The following ITPRID2 variants were observed in gnomAD, a reference collection of about 807,000 sequenced individuals.
ITPRID2 encodes ITPR interacting domain containing 2.
A neutral mutation model predicts 124.3 loss-of-function variants in ITPRID2; 60 were observed. That is an observed-to-expected ratio of 0.48 (90% CI 0.39 to 0.60). The LOEUF is 0.60. Ranked by LOEUF, ITPRID2 falls within the 20% of genes least tolerant of loss-of-function variation. ITPRID2 has a pLI of 0.00. For missense variants in ITPRID2, 1,553 were observed against 1,512.2 expected (o/e 1.03, Z -0.45); for synonymous variants, 521 against 542.9 (o/e 0.96, Z 0.56).
rs149728334 is a variant in ITPRID2, at chr2:181,903,322, A to G, written c.1413+856A>G. Among the ~76,000 whole-genome samples, 801 of 152,310 alleles carry G rather than the reference A, an allele frequency of 5.3e-3. 3 individuals are homozygous for G. The highest frequency in any genetic ancestry group is 0.014 in the Middle Eastern group (4 of 294). On this transcript the variant is annotated intron_variant, in intron 8 of 17. Coordinates refer to ENST00000431877, the MANE Select transcript of ITPRID2 (RefSeq NM_001130445.3). The stretch of plus-strand genomic sequence containing the variant: ...TACATGAGGAAACTGAGGCATATGT[A>G]TGCTAATGAAGAGTTGTGGCTATAA...
Position 181,916,352 on chromosome 2 carries a change from T to C in ITPRID2, c.2712T>C (p.Asn904=). ...ATYPYRVCSV[N]PPSAIEMQLR... Reference sequence around the variant, plus strand: ...ACCCTTACCGAGTGTGCTCTGTGAATCCTCCTTCAGCCATAGAAATGCAGT... The same window carrying C: ...ACCCTTACCGAGTGTGCTCTGTGAACCCTCCTTCAGCCATAGAAATGCAGT... The change falls in exon 11 of 18, where the codon AAT becomes AAC. Residue 904 remains asparagine, a synonymous_variant. Transcript: ENST00000431877. 1 of 1,614,208 alleles carries C rather than the reference T, an allele frequency of 6.2e-7. No individual in the cohort carries two copies. Among genetic ancestry groups the C allele is most frequent in the Non-Finnish European group, 8.5e-7 (1 of 1,180,040 alleles).
chr2:181,920,473 G>A (rs565175813), intron 14 of ITPRID2, 124 bp from the exon 15 acceptor site: 2 of 618,234 alleles, frequency 3.2e-6, no homozygotes, highest in Non-Finnish European at 5.1e-6. Flanking sequence ...GCACTAATTA[G>A]CCAATTAATT....
intron 4 of ITPRID2, 88 bp from the exon 5 acceptor site, chr2:181,898,792 G>T (rs1434107405): frequency 1.7e-5 from 16 of 914,612 alleles, no homozygotes; most frequent in Non-Finnish European, 2.7e-5. Flanking sequence ...TTCTAATATT[G>T]TAGGTAATTA....
At position 181,910,693 on chromosome 2, in the gene ITPRID2, G is replaced by A. The variant is rs1297004125; in HGVS notation, c.1486+722G>A. On this transcript the variant is annotated intron_variant, in intron 9 of 17. Coordinates refer to ENST00000431877, the MANE Select transcript of ITPRID2 (RefSeq NM_001130445.3). The surrounding 1 kb of genome is among the most constrained non-coding windows in gnomAD (Gnocchi z 4.1). ...CCACCCTGTTTTTTTTTTAAACAAAGATTCGTATGTATGTTCCTAGAATAG... is the reference window on the plus strand; with the variant it reads ...CCACCCTGTTTTTTTTTTAAACAAAAATTCGTATGTATGTTCCTAGAATAG... 7.7e-6 allele frequency: 5 copies of A among 647,882 alleles called. No homozygotes were observed. Among genetic ancestry groups the A allele is most frequent in the Non-Finnish European group, 1.1e-5 (4 of 357,264 alleles). 40.1% of individuals were successfully genotyped at this position (647,882 alleles called of 1,614,324 possible). A position where few individuals can be genotyped will look rare whatever the true frequency, so the allele number is the denominator to read the frequency against.
Position 181,896,097 on chromosome 2 carries a change from T to G in ITPRID2, c.307+18T>G, listed in dbSNP as rs1692175971. Reference sequence around the variant, plus strand: ...ACTCAAGGGTAAGAGAAGGTTGCCTTTCTAAATCTGTTCTTTATGACAGTT... The same window carrying G: ...ACTCAAGGGTAAGAGAAGGTTGCCTGTCTAAATCTGTTCTTTATGACAGTT... On this transcript the variant is annotated intron_variant, in intron 3 of 17. Coordinates refer to ENST00000431877, the MANE Select transcript of ITPRID2 (RefSeq NM_001130445.3). The surrounding 1 kb of genome is among the most constrained non-coding windows in gnomAD (Gnocchi z 4.3). 1.2e-6 allele frequency: 2 copies of G among 1,609,586 alleles called. No individual in the cohort carries two copies. The highest frequency in any genetic ancestry group is 1.7e-4 in the Middle Eastern group (1 of 6,050).
chr2:181,905,163 C>T lies in ITPRID2; in HGVS notation c.1413+2697C>T, dbSNP rs866686704. Among the ~76,000 whole-genome samples the T allele has an allele frequency of 6.6e-6, 1 of 151,278 alleles. No homozygotes were observed. The highest frequency in any genetic ancestry group is 1.5e-5 in the Non-Finnish European group (1 of 67,918). On this transcript the variant is annotated intron_variant, in intron 8 of 17. Coordinates refer to ENST00000431877, the MANE Select transcript of ITPRID2 (RefSeq NM_001130445.3). The surrounding 1 kb of genome is among the most constrained non-coding windows in gnomAD (Gnocchi z 4.1). ...CTCCTGGGTTCATGTAATTCTCCTG[C>T]CTCAGCTTCCTGAGTAGCTGGGATT... is the stretch of plus-strand genomic sequence containing the variant.
intron 16 of ITPRID2, among the ~76,000 whole-genome samples, chr2:181,922,793 G>T (rs1694574530): frequency 1.3e-5 from 2 of 152,100 alleles, no homozygotes; most frequent in South Asian, 4.1e-4. Flanking sequence ...GTGGTGGCAT[G>T]TGCCTGTAGT....
chr2:181,915,798 T>G lies in ITPRID2; in HGVS notation c.2158T>G (p.Leu720Val), dbSNP rs776930744. The G allele has an allele frequency of 5.0e-6, 8 of 1,614,178 alleles. No homozygotes were observed. In the South Asian group the frequency reaches 6.6e-5, roughly 13 times the overall value. The part of the protein sequence containing the change: ...MGRSLLKSKD[L>V]LKQRYLFAKA... ...GCGTAGCCTGCTAAAATCAAAAGATTTGTTAAAACAAAGGTACTTATTTGC... is the reference window on the plus strand; with the variant it reads ...GCGTAGCCTGCTAAAATCAAAAGATGTGTTAAAACAAAGGTACTTATTTGC... The change falls in exon 11 of 18, where the codon TTG (leucine) becomes GTG (valine). Residue 720 changes from leucine to valine, a missense_variant. Physicochemically the swap from Leu to Val is conservative, Grantham distance 32. Coordinates refer to ENST00000431877, the MANE Select transcript of ITPRID2 (RefSeq NM_001130445.3).
chr2:181,922,114 G>A lies in ITPRID2; in HGVS notation c.3377G>A (p.Arg1126Lys). Residue 1126 changes from arginine (R) to lysine (K), a missense_variant, in exon 16 of 18, where the codon AGA becomes AAA. Physicochemically the swap from Arg to Lys is conservative, Grantham distance 26. Coordinates refer to ENST00000431877, the MANE Select transcript of ITPRID2 (RefSeq NM_001130445.3). ...VCSGPSHANR[R>K]TGVPSTASVG... ...TCTGGTCCCTCTCATGCTAACAGAA[G>A]AACTGGAGTACCTTCTACTGCCTCA... The A allele has an allele frequency of 6.2e-7, 1 of 1,614,230 alleles. No individual in the cohort carries two copies. Among genetic ancestry groups the A allele is most frequent in the South Asian group, 1.1e-5 (1 of 91,090 alleles).
intron 10 of ITPRID2, among the ~76,000 whole-genome samples, chr2:181,914,736 G>GT (rs1693892297): frequency 6.6e-6 from 1 of 152,158 alleles, no homozygotes; most frequent in Non-Finnish European, 1.5e-5. Flanking sequence ...GGAAATAACC[G>GT]TAAGAGAAGA....
chr2:181,916,193 T>C lies in ITPRID2; in HGVS notation c.2553T>C (p.Ser851=). Residue 851 remains serine, a synonymous_variant, in exon 11 of 18, where the codon TCT becomes TCC. Transcript: ENST00000431877. ...QSTCSLHSIH[S]EWQERPLCEH... is the part of the protein sequence containing the mutation. The stretch of plus-strand genomic sequence containing the variant: ...CCTGTTCCCTTCATTCCATCCACTC[T>C]GAGTGGCAAGAAAGGCCCCTGTGTG... 1.9e-6 allele frequency: 3 copies of C among 1,614,230 alleles called. No homozygotes were observed. Among genetic ancestry groups the C allele is most frequent in the South Asian group, 1.1e-5 (1 of 91,082 alleles).
At position 181,919,190 on chromosome 2, in the gene ITPRID2, G is replaced by A; in HGVS notation, c.2994-106G>A. ...GATATTGTACTAATTTCTAGAACCT[G>A]AGATTTCCATGCCTTCTGTTAGCAT... On this transcript the variant is annotated intron_variant, in intron 13 of 17. Transcript: ENST00000431877. The surrounding 1 kb of genome is among the most constrained non-coding windows in gnomAD (Gnocchi z 4.2). The A allele has an allele frequency of 7.6e-7, 1 of 1,320,232 alleles. No homozygotes were observed. Among genetic ancestry groups the A allele is most frequent in the Middle Eastern group, 1.9e-4 (1 of 5,382 alleles). 81.8% of individuals were successfully genotyped at this position (1,320,232 alleles called of 1,614,324 possible). A position where few individuals can be genotyped will look rare whatever the true frequency, so the allele number is the denominator to read the frequency against.
At chr2:181,922,480 T>G in intron 16 of ITPRID2, 68 bp downstream of exon 16, 1 of 1,334,228 alleles carries the variant, frequency 7.5e-7, no homozygotes. Flanking sequence ...GTCTGAATAT[T>G]AATTATTTAC....
chr2:181,910,689 CAA>C lies in ITPRID2; in HGVS notation c.1486+720_1486+721del. On this transcript the variant is annotated intron_variant, in intron 9 of 17. Transcript: ENST00000431877. The surrounding 1 kb of genome is among the most constrained non-coding windows in gnomAD (Gnocchi z 4.1). The stretch of plus-strand genomic sequence containing the variant: ...TGAACCACCCTGTTTTTTTTTTAAA[CAA>C]AGATTCGTATGTATGTTCCTAGAAT... 1 of 642,694 alleles carries C rather than the reference CAA, an allele frequency of 1.6e-6. No homozygotes were observed. Among genetic ancestry groups the C allele is most frequent in the Non-Finnish European group, 2.8e-6 (1 of 354,836 alleles). The allele number at this position is 642,694 out of a possible 1,614,324, so 39.8% of individuals were successfully genotyped here.
chr2:181,914,022 G>A, intron 10 of ITPRID2, 89 bp downstream of exon 10: 1 of 777,124 alleles, frequency 1.3e-6, no homozygotes, highest in South Asian at 1.9e-5. Flanking sequence ...TATTGAGTCT[G>A]TATAATCTTT....
rs150714582 is a variant in ITPRID2 at position 181,914,055 on chromosome 2, ACTC to A, written c.1575+125_1575+127del. On this transcript the variant is annotated intron_variant, in intron 10 of 17. Coordinates refer to ENST00000431877, the MANE Select transcript of ITPRID2 (RefSeq NM_001130445.3). ...TTTATTTTTCAAGTGACAGAACAAA[ACTC>A]CTGGCATGTAGATGTTATCTAAGCA... 4.5e-4 allele frequency: 279 copies of A among 615,152 alleles called. 1 individual carries two copies. The highest frequency in any genetic ancestry group is 5.5e-4 in the Non-Finnish European group (199 of 364,748). The allele number at this position is 615,152 out of a possible 1,614,324, so 38.1% of individuals were successfully genotyped here. A position where few individuals can be genotyped will look rare whatever the true frequency, so the allele number is the denominator to read the frequency against.
chr2:181,920,560 A>G, intron 14 of ITPRID2, 37 bp from the exon 15 acceptor site: 1 of 1,450,328 alleles, frequency 6.9e-7, no homozygotes, highest in Middle Eastern at 1.8e-4. Flanking sequence ...ATATATACAC[A>G]CACATATACA....
At chr2:181,894,890 G>A (rs1692061660) in intron 2 of ITPRID2, among the ~76,000 whole-genome samples, 1 of 152,126 alleles carries the variant, frequency 6.6e-6, no homozygotes, top group African/African-American at 2.4e-5. Context: ...GACCAGTAGA[G>A]ACATCTGTGG....
rs1258871493 is a variant in ITPRID2 at position 181,916,447 on chromosome 2, A to T, written c.2787+20A>T. On this transcript the variant is annotated intron_variant, in intron 11 of 17. Transcript: ENST00000431877. ...TCACAGGTATGAGAAAAAGTATGTTATCATTAGCTTTTTTCTTTTACTGCT... is the reference window on the plus strand; with the variant it reads ...TCACAGGTATGAGAAAAAGTATGTTTTCATTAGCTTTTTTCTTTTACTGCT... 6.3e-7 allele frequency: 1 copy of T among 1,599,234 alleles called. No individual in the cohort carries two copies. The highest frequency in any genetic ancestry group is 8.5e-7 in the Non-Finnish European group (1 of 1,172,370).
Sources: allele counts gnomAD v4.1 joint callset (sites outside exome capture counted in the v4.1 genomes callset), GRCh38; gene constraint gnomAD v4.1.1; non-coding constraint Gnocchi (gnomAD v3.1); transcripts MANE v1.5; gene names NCBI Gene and HGNC (gene_info 2026-07-23, HGNC 2026-07-21).